Variants in NUDCD3 observed in about 807,000 individuals in gnomAD.
NUDCD3 encodes nudC domain-containing protein 3.
In NUDCD3, 13 loss-of-function variants were observed where a neutral mutation model predicts 39.7. That is an observed-to-expected ratio of 0.33 (90% CI 0.21 to 0.52). The LOEUF is 0.52. Among genes scored for constraint, NUDCD3 ranks in the 20% least tolerant of loss-of-function variants. NUDCD3 has a pLI of 0.96. For missense variants in NUDCD3, 453 were observed against 458.1 expected, an observed-to-expected ratio of 0.99 and a Z score of 0.10; for synonymous variants, 175 against 172.4, an observed-to-expected ratio of 1.02 and a Z score of -0.12.
chr7:44,392,465 G>T lies in NUDCD3; in HGVS notation c.807C>A (p.Gly269=), dbSNP rs147734736. Residue 269 remains glycine, a synonymous_variant, in exon 5 of 6, where the codon GGC becomes GGA. Transcript: ENST00000355451. The part of the protein sequence containing the change: ...KCVLVNLSKV[G]EYWWNAILEG... ...CCAGGATGGCGTTCCACCAATACTC[G>T]CCCACCTTGCTCAGGTTCACCTGGG... 9.3e-6 allele frequency: 15 copies of T among 1,613,824 alleles called. No homozygotes were observed. In the African/African-American group the frequency reaches 1.9e-4, roughly 20 times the overall value.
chr7:44,461,555 C>T (rs1429504229), intron 2 of NUDCD3, among the ~76,000 whole-genome samples: 1 of 152,148 alleles, frequency 6.6e-6, no homozygotes, highest in Non-Finnish European at 1.5e-5. Flanking sequence ...GACAGAAAAG[C>T]TACCATGATT....
intron 2 of NUDCD3, among the ~76,000 whole-genome samples, chr7:44,437,567 G>A (rs1799491755): frequency 6.6e-6 from 1 of 152,150 alleles, no homozygotes. Flanking sequence ...TCACTGACCT[G>A]ACTCTGGCCT....
intron 3 of NUDCD3, among the ~76,000 whole-genome samples, chr7:44,408,020 G>C (rs966801860): frequency 6.6e-6 from 1 of 151,930 alleles, no homozygotes; most frequent in African/African-American, 2.4e-5. Flanking sequence ...TTATGACACT[G>C]GGTGTTTTTA....
intron 2 of NUDCD3, among the ~76,000 whole-genome samples, chr7:44,450,688 G>T (rs1799778852): frequency 6.6e-6 from 1 of 151,892 alleles, no homozygotes; most frequent in Non-Finnish European, 1.5e-5. Context: ...AGATCAACTG[G>T]AACTGACACA....
intron 4 of NUDCD3, among the ~76,000 whole-genome samples, chr7:44,396,837 T>C (rs1289282210): frequency 6.6e-6 from 1 of 152,226 alleles, no homozygotes; most frequent in Non-Finnish European, 1.5e-5. Context: ...CGACACCCAG[T>C]GCAAGATGCA....
At chr7:44,396,627 G>A (rs1194806109) in intron 4 of NUDCD3, among the ~76,000 whole-genome samples, 2 of 151,948 alleles carry the variant, frequency 1.3e-5, no homozygotes, top group African/African-American at 4.8e-5. Context: ...AAGTCATTGA[G>A]CTGACAAGCT....
chr7:44,464,199 GC>G (rs1371304627), intron 2 of NUDCD3, among the ~76,000 whole-genome samples: 14 of 144,846 alleles, frequency 9.7e-5, no homozygotes, highest in Non-Finnish European at 1.9e-4. Flanking sequence ...GGGTTAAAGA[GC>G]AAGACCCCAT....
chr7:44,477,484 ACAAG>A (rs1002730760), intron 2 of NUDCD3, among the ~76,000 whole-genome samples: 8 of 152,344 alleles, frequency 5.3e-5, no homozygotes, highest in African/African-American at 1.9e-4. Context: ...GCATCCCAGC[ACAAG>A]CAAAGGCAAA....
chr7:44,441,203 C>T (rs1158856005), intron 2 of NUDCD3, among the ~76,000 whole-genome samples: 1 of 152,094 alleles, frequency 6.6e-6, no homozygotes, highest in Admixed American at 6.6e-5. Context: ...AGTGGTCTAC[C>T]AAGAGGACTT....
chr7:44,397,611 CATTTT>C (rs1434039266), intron 4 of NUDCD3, among the ~76,000 whole-genome samples: 2 of 151,982 alleles, frequency 1.3e-5, no homozygotes, highest in Admixed American at 6.6e-5. Context: ...TTTTTTTTAA[CATTTT>C]ATTTGTAAAG....
intron 3 of NUDCD3, among the ~76,000 whole-genome samples, chr7:44,405,424 C>T (rs895464991): frequency 1.3e-5 from 2 of 152,194 alleles, no homozygotes; most frequent in Non-Finnish European, 2.9e-5. Context: ...GTCTCCAAAG[C>T]AGGGTATGCA....
At chr7:44,425,419 A>C (rs1299568456) in intron 3 of NUDCD3, among the ~76,000 whole-genome samples, 2 of 152,170 alleles carry the variant, frequency 1.3e-5, no homozygotes, top group African/African-American at 4.8e-5. Flanking sequence ...GCATATATCA[A>C]ATTTTTTTAT....
In NUDCD3 at chr7:44,396,121, GTGTGTT is replaced by G. The variant is rs1242285169; in HGVS notation, c.787-3642_787-3637del. Reference sequence around the variant, plus strand: ...TGTGTGTGTGTGTGTGTGTGTGTGTGTGTGTTTAATTACAGCCATCCCACAGGTGTG... The same window carrying G: ...TGTGTGTGTGTGTGTGTGTGTGTGTGTAATTACAGCCATCCCACAGGTGTG... On this transcript the variant is annotated intron_variant, in intron 4 of 5. Coordinates refer to ENST00000355451, the MANE Select transcript of NUDCD3 (RefSeq NM_015332.4). Among the ~76,000 whole-genome samples, 23 of 151,312 alleles carry G rather than the reference GTGTGTT, an allele frequency of 1.5e-4. No homozygotes were observed. In the East Asian group the frequency reaches 1.8e-3, roughly 12 times the overall value.
intron 2 of NUDCD3, among the ~76,000 whole-genome samples, chr7:44,450,474 G>A (rs1446247765): frequency 2.6e-5 from 4 of 151,204 alleles, no homozygotes; most frequent in Admixed American, 6.6e-5. Context: ...CACTGCGCCC[G>A]GCCAAGAAAT....
chr7:44,388,306 T>C (rs1014662934), intron 5 of NUDCD3, among the ~76,000 whole-genome samples: 2 of 152,168 alleles, frequency 1.3e-5, no homozygotes, highest in East Asian at 1.9e-4. Flanking sequence ...CCACTCTCTC[T>C]CCTTAGCGAA....
intron 4 of NUDCD3, chr7:44,402,505 A>G (rs145811272): frequency 7.8e-4 from 283 of 364,886 alleles, no homozygotes; most frequent in Non-Finnish European, 9.3e-4. Flanking sequence ...AAGTAAAAGG[A>G]ATCATTGGTA....
At chr7:44,468,200 A>G (rs1395163331) in intron 2 of NUDCD3, 6 of 1,600,302 alleles carry the variant, frequency 3.7e-6, no homozygotes, top group African/African-American at 1.3e-5. Context: ...GATCGCTCAC[A>G]ATGTTTCCTC....
chr7:44,485,155 G>A lies in NUDCD3; in HGVS notation c.322C>T (p.Pro108Ser), dbSNP rs1800580382. ...TVSAAAAEKE[P>S]VPVPVQEIEI... ...ATTTCCTGGACTGGAACTGGGACTG[G>A]CTCCTTCTCAGCTGCAGCAGCTGAC... The change falls in exon 2 of 6, where the codon CCA becomes TCA. Residue 108 changes from proline (P) to serine (S), a missense_variant. Pro to Ser is a moderately conservative substitution (Grantham distance 74). Coordinates refer to ENST00000355451, the MANE Select transcript of NUDCD3 (RefSeq NM_015332.4). The A allele has an allele frequency of 5.6e-6, 9 of 1,614,152 alleles. No individual in the cohort carries two copies. Among genetic ancestry groups the A allele is most frequent in the Non-Finnish European group, 7.6e-6 (9 of 1,180,016 alleles).
At chr7:44,461,067 G>A (rs1800000570) in intron 2 of NUDCD3, among the ~76,000 whole-genome samples, 1 of 152,184 alleles carries the variant, frequency 6.6e-6, no homozygotes, top group African/African-American at 2.4e-5. Flanking sequence ...GCTCCTTCAA[G>A]ACTATACCCC....
Sources: allele counts gnomAD v4.1 joint callset (sites outside exome capture counted in the v4.1 genomes callset), GRCh38; gene constraint gnomAD v4.1.1; transcripts MANE v1.5; gene names NCBI Gene and HGNC (gene_info 2026-07-23, HGNC 2026-07-21).